The following CTDSPL2 variants were observed in gnomAD, a reference collection of about 807,000 sequenced individuals.
The protein encoded by CTDSPL2 is CTD small phosphatase-like protein 2.
In CTDSPL2, 5 loss-of-function variants were observed where a neutral mutation model predicts 60.0. The observed-to-expected ratio is 0.08, with a 90% CI of 0.04 to 0.18. The LOEUF (loss-of-function observed/expected upper bound fraction) is 0.18. CTDSPL2 is among the 10% of genes least tolerant of loss of function. The pLI, the probability that CTDSPL2 is intolerant of heterozygous loss-of-function variation, is 1.00. For synonymous variants in CTDSPL2, 186 were observed against 189.3 expected, an observed-to-expected ratio of 0.98 and a Z score of 0.14; for missense variants, 370 against 548.8, an observed-to-expected ratio of 0.67 and a Z score of 3.26.
intron 1 of CTDSPL2, chr15:44,447,496 A>G (rs924332247): frequency 6.6e-6 from 1 of 152,346 alleles, no homozygotes; most frequent in African/African-American, 2.4e-5. Context: ...AATTTTTAAA[A>G]CATCTTTATA....
chr15:44,511,449 A>T lies in CTDSPL2; in HGVS notation c.970-3149A>T, dbSNP rs528951209. On this transcript the variant is annotated intron_variant, in intron 8 of 12. Transcript: ENST00000260327. ...GGCTGGAAAATATTGTTAACTAGAC[A>T]TATTCTTGTGCAGTGGAATTGTGTC... 3.9e-5 allele frequency among the ~76,000 whole-genome samples: 6 copies of T among 152,356 alleles called. No homozygotes were observed. In the South Asian group the frequency reaches 1.2e-3, roughly 32 times the overall value.
chr15:44,476,482 A>ACTCTTG (rs1445362300), intron 2 of CTDSPL2, among the ~76,000 whole-genome samples: 9 of 152,208 alleles, frequency 5.9e-5, no homozygotes, highest in African/African-American at 2.2e-4. Flanking sequence ...GCAGAAGAGT[A>ACTCTTG]CTCTTGCTGT....
In CTDSPL2 at chr15:44,432,869, G is replaced by T. The variant is rs536359155; in HGVS notation, c.-25+5097G>T. Among the ~76,000 whole-genome samples, 329 of 151,938 alleles carry T rather than the reference G, an allele frequency of 2.2e-3. 1 individual carries two copies. The highest frequency in any genetic ancestry group is 3.5e-3 in the Non-Finnish European group (238 of 67,918). On this transcript the variant is annotated intron_variant, in intron 1 of 12. Coordinates refer to ENST00000260327, the MANE Select transcript of CTDSPL2 (RefSeq NM_016396.3). Reference sequence around the variant, plus strand: ...CTGCTGACCTCAGGATGATCCACCTGCCTCGGTCTCCCAAAGTGCTGGGAT... The same window carrying T: ...CTGCTGACCTCAGGATGATCCACCTTCCTCGGTCTCCCAAAGTGCTGGGAT...
chr15:44,466,831 C>T (rs2080705688), intron 2 of CTDSPL2, among the ~76,000 whole-genome samples: 1 of 151,856 alleles, frequency 6.6e-6, no homozygotes, highest in Admixed American at 6.6e-5. Context: ...CCCAGCTACT[C>T]AGGAGGCTGA....
chr15:44,523,146 G>T (rs966020241), intron 12 of CTDSPL2, among the ~76,000 whole-genome samples: 1 of 152,042 alleles, frequency 6.6e-6, no homozygotes, highest in South Asian at 2.1e-4. Context: ...ACAGGCGCCC[G>T]CCACCACGCC....
intron 12 of CTDSPL2, among the ~76,000 whole-genome samples, chr15:44,522,434 A>C (rs529652341): frequency 6.6e-6 from 1 of 152,152 alleles, no homozygotes; most frequent in Non-Finnish European, 1.5e-5. Context: ...TTCTCTTACA[A>C]ATTGCTAAGC....
intron 2 of CTDSPL2, among the ~76,000 whole-genome samples, chr15:44,465,686 T>A (rs1323599709): frequency 6.6e-6 from 1 of 151,818 alleles, no homozygotes; most frequent in African/African-American, 2.4e-5. Context: ...AACTTTGTAG[T>A]TTTATTTGGG....
chr15:44,521,490 G>A, intron 12 of CTDSPL2, 84 bp downstream of exon 12: 1 of 767,002 alleles, frequency 1.3e-6, no homozygotes, highest in Non-Finnish European at 2.1e-6. Context: ...TTTGCTTTGT[G>A]TGTACTGACT....
Position 44,526,298 on chromosome 15 carries a change from A to T in CTDSPL2, c.*2124A>T, listed in dbSNP as rs1327754518. On this transcript the variant is annotated 3_prime_UTR_variant, in exon 13 of 13. Coordinates refer to ENST00000260327, the MANE Select transcript of CTDSPL2 (RefSeq NM_016396.3). Reference sequence around the variant, plus strand: ...ATCTGAACTTTCAGCATGCATTCTGATTGCTGAAAGATTTCCTGATTTAGT... The same window carrying T: ...ATCTGAACTTTCAGCATGCATTCTGTTTGCTGAAAGATTTCCTGATTTAGT... 6.6e-6 allele frequency: 1 copy of T among 152,146 alleles called. No individual in the cohort carries two copies. Among genetic ancestry groups the T allele is most frequent in the Non-Finnish European group, 1.5e-5 (1 of 67,988 alleles). The allele number at this position is 152,146 out of a possible 1,614,324, so 9.4% of individuals were successfully genotyped here.
chr15:44,521,734 C>T (rs1056371163), intron 12 of CTDSPL2, among the ~76,000 whole-genome samples: 1 of 151,272 alleles, frequency 6.6e-6, no homozygotes, highest in African/African-American at 2.4e-5. Context: ...GTCAGGAGAT[C>T]GAGACCATCC....
At chr15:44,470,740 G>T (rs920538247) in intron 2 of CTDSPL2, among the ~76,000 whole-genome samples, 2 of 152,040 alleles carry the variant, frequency 1.3e-5, no homozygotes, top group Non-Finnish European at 2.9e-5. Context: ...GAGCCACCAC[G>T]CCTGGCCTAC....
chr15:44,430,527 A>G (rs1238769939), intron 1 of CTDSPL2, among the ~76,000 whole-genome samples: 1 of 151,774 alleles, frequency 6.6e-6, no homozygotes, highest in Non-Finnish European at 1.5e-5. Flanking sequence ...GAAGACGGGT[A>G]TTTGCCACCA....
intron 2 of CTDSPL2, among the ~76,000 whole-genome samples, chr15:44,460,917 T>C (rs1480979466): frequency 6.6e-6 from 1 of 152,166 alleles, no homozygotes; most frequent in East Asian, 1.9e-4. Context: ...CCTTGCTACG[T>C]ATTATTACTT....
intron 2 of CTDSPL2, among the ~76,000 whole-genome samples, chr15:44,475,663 A>G (rs1381541978): frequency 6.6e-6 from 1 of 151,918 alleles, no homozygotes; most frequent in African/African-American, 2.4e-5. Context: ...AAGATTCTTC[A>G]GACGCTTTTT....
chr15:44,444,792 T>TTAGTA (rs2080169896), intron 1 of CTDSPL2, among the ~76,000 whole-genome samples: 1 of 149,888 alleles, frequency 6.7e-6, no homozygotes. Context: ...ATCTATAACT[T>TTAGTA]TAGTAGGGGT....
intron 2 of CTDSPL2, among the ~76,000 whole-genome samples, chr15:44,475,405 G>A (rs186670164): frequency 2.0e-5 from 3 of 152,242 alleles, no homozygotes; most frequent in Non-Finnish European, 2.9e-5. Context: ...CTGGGAGGCC[G>A]AGGCAGGTGG....
intron 2 of CTDSPL2, among the ~76,000 whole-genome samples, chr15:44,481,916 C>G (rs1178345310): frequency 6.6e-6 from 1 of 152,212 alleles, no homozygotes; most frequent in Non-Finnish European, 1.5e-5. Flanking sequence ...AGCAGATATT[C>G]TCTCTCCAGA....
chr15:44,448,460 C>T (rs950027002), intron 1 of CTDSPL2: 2 of 246,622 alleles, frequency 8.1e-6, no homozygotes, highest in East Asian at 2.2e-4. Context: ...GTGTAGTCAG[C>T]GCTTGGGCCT....
At chr15:44,455,839 ATTTTTTTTTTTTTTTT>A (rs35307134) in intron 1 of CTDSPL2, among the ~76,000 whole-genome samples, 3 of 47,510 alleles carry the variant, frequency 6.3e-5, no homozygotes, top group African/African-American at 9.5e-5. Flanking sequence ...TTTATTGAGG[ATTTTTTTTTTTTTTTT>A]TTTTTTTTTT....
Sources: allele counts gnomAD v4.1 joint callset (sites outside exome capture counted in the v4.1 genomes callset), GRCh38; gene constraint gnomAD v4.1.1; transcripts MANE v1.5; gene names NCBI Gene and HGNC (gene_info 2026-07-23, HGNC 2026-07-21).